RAD51B: variants seen among roughly 807,000 people sequenced by gnomAD.
The protein encoded by RAD51B is DNA repair protein RAD51 homolog 2.
Under a neutral mutation model 42.2 loss-of-function variants are expected in RAD51B, and 38 were observed. The observed-to-expected ratio is 0.90, with a 90% CI of 0.70 to 1.18. RAD51B has a LOEUF of 1.18. Among genes scored for constraint, RAD51B ranks in the 50% most tolerant of loss-of-function variants. RAD51B has a pLI of 0.00. For missense variants in RAD51B, 373 were observed against 400.7 expected, an observed-to-expected ratio of 0.93 and a Z score of 0.59; for synonymous variants, 154 against 145.2, an observed-to-expected ratio of 1.06 and a Z score of -0.43.
intron 8 of RAD51B, among the ~76,000 whole-genome samples, chr14:68,399,490 T>C (rs1277972522): frequency 7.2e-5 from 11 of 152,096 alleles, no homozygotes; most frequent in East Asian, 3.9e-4. Flanking sequence ...ATCTCCTGAC[T>C]TCATGATCCA....
intron 7 of RAD51B, among the ~76,000 whole-genome samples, chr14:67,946,997 A>G (rs1351322672): frequency 6.6e-6 from 1 of 152,226 alleles, no homozygotes; most frequent in Non-Finnish European, 1.5e-5. Context: ...TTGATAAAAT[A>G]GTAATCTTTT....
chr14:67,993,396 T>A (rs1355151005), intron 7 of RAD51B, among the ~76,000 whole-genome samples: 2 of 152,116 alleles, frequency 1.3e-5, no homozygotes, highest in African/African-American at 4.8e-5. Context: ...TTCCATGAGT[T>A]CAATTATTTT....
chr14:68,210,491 A>G (rs1171194086), intron 7 of RAD51B, among the ~76,000 whole-genome samples: 2 of 152,066 alleles, frequency 1.3e-5, no homozygotes, highest in African/African-American at 4.8e-5. Flanking sequence ...ATACCATTCT[A>G]TGTATATACA....
At chr14:68,117,938 A>C (rs1343964996) in intron 7 of RAD51B, among the ~76,000 whole-genome samples, 1 of 152,204 alleles carries the variant, frequency 6.6e-6, no homozygotes, top group African/African-American at 2.4e-5. Context: ...ACAGTCTCAC[A>C]TTGACTTAAA....
At chr14:68,596,263 CTTTT>C (rs917535334), downstream of RAD51B, among the ~76,000 whole-genome samples, 3 of 150,244 alleles carry the variant, frequency 2.0e-5, no homozygotes, top group African/African-American at 7.3e-5. Context: ...CGTACCCAAA[CTTTT>C]TTTTTTCTAA....
intron 4 of RAD51B, among the ~76,000 whole-genome samples, chr14:67,838,017 T>G (rs2041304404): frequency 6.6e-6 from 1 of 152,216 alleles, no homozygotes; most frequent in Non-Finnish European, 1.5e-5. Flanking sequence ...TTTTTTTAGC[T>G]TCTACATGTG....
intron 7 of RAD51B, among the ~76,000 whole-genome samples, chr14:68,108,463 C>T (rs1053593445): frequency 6.6e-6 from 1 of 151,898 alleles, no homozygotes; most frequent in Non-Finnish European, 1.5e-5. Flanking sequence ...GTGATACATG[C>T]GTCAACATGG....
chr14:68,184,608 TAA>T (rs748047329), intron 7 of RAD51B, among the ~76,000 whole-genome samples: 1 of 21,576 alleles, frequency 4.6e-5, no homozygotes, highest in Non-Finnish European at 1.3e-4. Context: ...AGGCCCTGTC[TAA>T]AAAAAAAAAA....
At chr14:68,604,521 G>A (rs1393306703) in intron 10 of RAD51B, among the ~76,000 whole-genome samples, 4 of 152,190 alleles carry the variant, frequency 2.6e-5, no homozygotes, top group African/African-American at 9.7e-5. Context: ...TTAACCAGGT[G>A]CCCCAGGAGA....
chr14:67,993,107 G>T (rs981410007), intron 7 of RAD51B, among the ~76,000 whole-genome samples: 2 of 151,980 alleles, frequency 1.3e-5, no homozygotes, highest in Non-Finnish European at 2.9e-5. Flanking sequence ...GTACATAGTA[G>T]TTCTGTATAT....
rs111463653 is a variant in RAD51B, at chr14:68,562,391, G to T, written c.1037-32094G>T. The T allele has an allele frequency of 2.9e-4, 285 of 984,900 alleles. 1 individual carries two copies. In the African/African-American group the frequency reaches 4.8e-3, roughly 16 times the overall value. The allele number at this position is 984,900 out of a possible 1,614,324, so 61.0% of individuals were successfully genotyped here. ...AAGGCTCTTGAGCAAATGCAGAAAGGAAATGGACTTATGCAGAGGCCCATA... is the reference window on the plus strand; with the variant it reads ...AAGGCTCTTGAGCAAATGCAGAAAGTAAATGGACTTATGCAGAGGCCCATA... On this transcript the variant is annotated intron_variant, in intron 10 of 10. Transcript: ENST00000487270.
intron 7 of RAD51B, among the ~76,000 whole-genome samples, chr14:68,102,543 C>T (rs1021228276): frequency 6.6e-5 from 10 of 152,172 alleles, no homozygotes; most frequent in Non-Finnish European, 8.8e-5. Flanking sequence ...GAGACCACCT[C>T]TACCTGGACT....
intron 8 of RAD51B, among the ~76,000 whole-genome samples, chr14:68,334,353 A>G (rs1053245657): frequency 6.6e-6 from 1 of 152,212 alleles, no homozygotes; most frequent in South Asian, 2.1e-4. Flanking sequence ...TTATTAAGAA[A>G]ATCATAAGGA....
chr14:67,947,346 G>A (rs2045430907), intron 7 of RAD51B, among the ~76,000 whole-genome samples: 1 of 152,134 alleles, frequency 6.6e-6, no homozygotes, highest in Admixed American at 6.5e-5. Context: ...TTTCATTCAT[G>A]GATTGATGGC....
intron 10 of RAD51B, chr14:68,472,108 C>CCT (rs1391500572): frequency 1.3e-5 from 2 of 152,306 alleles, no homozygotes; most frequent in Non-Finnish European, 2.9e-5. Flanking sequence ...TGTGCTGGGG[C>CCT]CTAGTGGAGA....
In RAD51B at chr14:67,912,380, G is replaced by A. The variant is rs2044012918; in HGVS notation, c.756+25176G>A. ...TATGGTACACTAGGCATTATGCTAG[G>A]TATATGAAAATATGTCTCTAATCCC... On this transcript the variant is annotated intron_variant, in intron 7 of 10. Coordinates refer to ENST00000471583, the MANE Select transcript of RAD51B (RefSeq NM_133510.4). Among the ~76,000 whole-genome samples the A allele has an allele frequency of 1.3e-5, 2 of 152,096 alleles. 1 individual carries two copies. The highest frequency in any genetic ancestry group is 6.3e-3 in the Middle Eastern group (2 of 316).
intron 7 of RAD51B, among the ~76,000 whole-genome samples, chr14:67,921,228 C>T (rs2044312022): frequency 1.3e-5 from 2 of 152,158 alleles, no homozygotes; most frequent in African/African-American, 4.8e-5. Flanking sequence ...CATGTCATGT[C>T]AGACAGGGTA....
intron 7 of RAD51B, among the ~76,000 whole-genome samples, chr14:68,110,882 A>G (rs1402227547): frequency 6.6e-6 from 1 of 152,040 alleles, no homozygotes. Flanking sequence ...CTCTATATGC[A>G]TTTAGAATCA....
intron 7 of RAD51B, among the ~76,000 whole-genome samples, chr14:68,151,320 CTTG>C (rs1157735442): frequency 6.6e-6 from 1 of 151,206 alleles, no homozygotes; most frequent in African/African-American, 2.4e-5. Flanking sequence ...TTTTTTTAAT[CTTG>C]TTGTTTTTGA....
Sources: gnomAD v4.1 joint callset for allele counts (sites outside exome capture counted in the v4.1 genomes callset) on GRCh38, gnomAD v4.1.1 for gene constraint, MANE v1.5 for transcripts, NCBI Gene and HGNC (gene_info 2026-07-23, HGNC 2026-07-21) for gene names.